MGAT5: variants seen among roughly 807,000 people sequenced by gnomAD.
MGAT5 encodes the protein alpha-1,6-mannosylglycoprotein 6-beta-N-acetylglucosaminyltransferase, also known as alpha-1,6-mannosylglycoprotein 6-beta-N-acetylglucosaminyltransferase A.
MGAT5 carries 30 observed loss-of-function variants against 94.3 expected under a neutral mutation model. The observed-to-expected ratio is 0.32, with a 90% CI of 0.24 to 0.43. MGAT5 has a LOEUF of 0.43. Among genes scored for constraint, MGAT5 ranks in the 20% least tolerant of loss-of-function variants. The probability of loss-of-function intolerance (pLI) is 1.00; values close to 1 mark genes in which losing one functional copy is unlikely to be tolerated. For missense variants in MGAT5, 691 were observed against 905.5 expected (o/e 0.76, Z 3.04); for synonymous variants, 310 against 322.9 (o/e 0.96, Z 0.43).
At chr2:134,443,184 T>TTTG (rs143511892) in intron 15 of MGAT5, among the ~76,000 whole-genome samples, 3 of 150,412 alleles carry the variant, frequency 2.0e-5, no homozygotes, top group East Asian at 3.9e-4. Context: ...TATGTTTTTT[T>TTTG]TTGTTGTTGT....
intron 2 of MGAT5, among the ~76,000 whole-genome samples, chr2:134,284,365 A>T (rs909441924): frequency 1.3e-5 from 2 of 152,186 alleles, no homozygotes; most frequent in Non-Finnish European, 2.9e-5. Flanking sequence ...TTGTTTACTT[A>T]CTGTCTGTGG....
intron 1 of MGAT5, among the ~76,000 whole-genome samples, chr2:134,218,303 A>AATT (rs1209951177): frequency 6.6e-6 from 1 of 152,024 alleles, no homozygotes; most frequent in Non-Finnish European, 1.5e-5. Context: ...CACTATCATA[A>AATT]ATTAGGCTGT....
chr2:134,195,810 T>C (rs1340757772), intron 1 of MGAT5, among the ~76,000 whole-genome samples: 12 of 152,240 alleles, frequency 7.9e-5, no homozygotes, highest in Admixed American at 7.2e-4. Flanking sequence ...TTTTCCGTAG[T>C]GGATTTTATT....
At chr2:134,368,656 A>G (rs963228465) in intron 10 of MGAT5, among the ~76,000 whole-genome samples, 4 of 152,186 alleles carry the variant, frequency 2.6e-5, no homozygotes, top group African/African-American at 9.7e-5. Flanking sequence ...ATGCAAACTG[A>G]ATCGTGCTAC....
At position 134,182,780 on chromosome 2, in the gene MGAT5, GTTTTTTTTTTTTT is replaced by G. The variant is rs5834402; in HGVS notation, c.-143+62501_-143+62513del. ...TTATATAGTGCATGTTAGAAGATTAGTTTTTTTTTTTTTTTTTTTTTTTTGAGACAGAGTCTCC... is the reference window on the plus strand; with the variant it reads ...TTATATAGTGCATGTTAGAAGATTAGTTTTTTTTTTTGAGACAGAGTCTCC... On this transcript the variant is annotated intron_variant, in intron 1 of 16. Transcript: ENST00000409645. Among the ~76,000 whole-genome samples, 28 of 87,066 alleles carry G rather than the reference GTTTTTTTTTTTTT, an allele frequency of 3.2e-4. No homozygotes were observed. In the East Asian group the frequency reaches 5.2e-3, roughly 16 times the overall value. 57.1% of individuals were successfully genotyped at this position (87,066 alleles called of 152,430 possible).
intron 1 of MGAT5, among the ~76,000 whole-genome samples, chr2:134,158,384 G>A (rs1448083651): frequency 6.6e-6 from 1 of 152,204 alleles, no homozygotes; most frequent in Non-Finnish European, 1.5e-5. Context: ...AAGTCTGGAG[G>A]GGTGGCAGAG....
At chr2:134,226,969 T>A (rs990580041) in intron 1 of MGAT5, among the ~76,000 whole-genome samples, 4 of 26,972 alleles carry the variant, frequency 1.5e-4, no homozygotes, top group Admixed American at 1.2e-3. Context: ...GATAGTCCTA[T>A]TTTTTTTTTT....
intron 9 of MGAT5, among the ~76,000 whole-genome samples, chr2:134,358,095 A>C (rs943558672): frequency 6.6e-6 from 1 of 152,106 alleles, no homozygotes; most frequent in Non-Finnish European, 1.5e-5. Context: ...AAATAGAAGA[A>C]ATGTTACTAG....
At chr2:134,326,060 T>TC (rs2105931441) in intron 4 of MGAT5, among the ~76,000 whole-genome samples, 1 of 151,790 alleles carries the variant, frequency 6.6e-6, no homozygotes. Flanking sequence ...CTCTTTTTTT[T>TC]TTTTTTTTGA....
At chr2:134,334,544 G>A (rs1235897772) in intron 4 of MGAT5, among the ~76,000 whole-genome samples, 2 of 143,824 alleles carry the variant, frequency 1.4e-5, no homozygotes, top group Non-Finnish European at 3.0e-5. Flanking sequence ...GGGATGGGGT[G>A]AGGTTAAAGA....
chr2:134,406,538 C>T (rs1683343861), intron 11 of MGAT5, among the ~76,000 whole-genome samples: 1 of 151,668 alleles, frequency 6.6e-6, no homozygotes, highest in African/African-American at 2.4e-5. Context: ...TGCCACCCTG[C>T]CCCCCACCAA....
At chr2:134,120,235 C>T (rs1685500346) in exon 1 of MGAT5, 1 of 369,886 alleles carries the variant, frequency 2.7e-6, no homozygotes, top group African/African-American at 2.1e-5. Flanking sequence ...CGCCTCGGGC[C>T]GCGTGGGCAC....
intron 1 of MGAT5, among the ~76,000 whole-genome samples, chr2:134,172,389 T>A (rs78687088): frequency 6.1e-5 from 9 of 147,168 alleles, no homozygotes; most frequent in African/African-American, 2.2e-4. Context: ...TTTTTTTTTT[T>A]TAATTAATTA....
At chr2:134,415,381 A>G (rs905503027) in intron 12 of MGAT5, among the ~76,000 whole-genome samples, 1 of 152,154 alleles carries the variant, frequency 6.6e-6, no homozygotes, top group African/African-American at 2.4e-5. Flanking sequence ...GATGTTGAGC[A>G]CCTTTTCATA....
chr2:134,353,572 A>G (rs1679532275), intron 9 of MGAT5, among the ~76,000 whole-genome samples: 1 of 152,228 alleles, frequency 6.6e-6, no homozygotes, highest in Admixed American at 6.5e-5. Flanking sequence ...TTCAGCTTTG[A>G]TCATGCCTTT....
chr2:134,435,726 C>A (rs544618258), intron 14 of MGAT5, among the ~76,000 whole-genome samples: 45 of 152,298 alleles, frequency 3.0e-4, no homozygotes, highest in African/African-American at 9.1e-4. Context: ...AGGTAAGAGT[C>A]CACCAGGCAG....
intron 2 of MGAT5, among the ~76,000 whole-genome samples, chr2:134,288,953 C>A (rs1252929861): frequency 6.6e-6 from 1 of 152,198 alleles, no homozygotes; most frequent in Non-Finnish European, 1.5e-5. Flanking sequence ...CATTAAAAAA[C>A]AAACCAGCTG....
At chr2:134,292,422 G>A (rs921620297) in intron 2 of MGAT5, among the ~76,000 whole-genome samples, 1 of 152,178 alleles carries the variant, frequency 6.6e-6, no homozygotes, top group African/African-American at 2.4e-5. Flanking sequence ...CAGTTCACAG[G>A]TGGAACAACT....
At chr2:134,172,266 T>G (rs1010264450) in intron 1 of MGAT5, among the ~76,000 whole-genome samples, 2 of 152,168 alleles carry the variant, frequency 1.3e-5, no homozygotes, top group Non-Finnish European at 2.9e-5. Context: ...CTAAGGACAG[T>G]ATAGTCTCTG....
Sources: gnomAD v4.1 joint callset for allele counts (sites outside exome capture counted in the v4.1 genomes callset) on GRCh38, gnomAD v4.1.1 for gene constraint, MANE v1.5 for transcripts, NCBI Gene and HGNC (gene_info 2026-07-23, HGNC 2026-07-21) for gene names.